The following DDX31 variants were observed in gnomAD, a reference collection of about 807,000 sequenced individuals.
DDX31 encodes the protein DEAD-box helicase 31, also known as ATP-dependent DNA helicase DDX31.
In DDX31, 70 loss-of-function variants were observed where a neutral mutation model predicts 91.3. That is an observed-to-expected ratio of 0.77 (90% CI 0.63 to 0.94). The LOEUF (loss-of-function observed/expected upper bound fraction) is 0.94, where lower values mean the gene tolerates loss of function less well. DDX31 is among the 40% of genes least tolerant of loss of function. DDX31 has a pLI of 0.00. For synonymous variants in DDX31, 362 were observed against 350.6 expected (o/e 1.03, Z -0.36); for missense variants, 902 against 925.0 (o/e 0.98, Z 0.32).
intron 14 of DDX31, among the ~76,000 whole-genome samples, chr9:132,633,524 A>C (rs1832920340): frequency 6.6e-6 from 1 of 152,228 alleles, no homozygotes; most frequent in African/African-American, 2.4e-5. Flanking sequence ...AGTACTATAC[A>C]GCTATAAAAA....
At chr9:132,658,283 A>T in intron 6 of DDX31, 1 of 703,242 alleles carries the variant, frequency 1.4e-6, no homozygotes, top group Non-Finnish European at 2.6e-6. Context: ...TTCCTCCATT[A>T]CTTGCTGCAT....
intron 18 of DDX31, among the ~76,000 whole-genome samples, chr9:132,615,379 T>G (rs528002703): frequency 4.1e-4 from 62 of 152,244 alleles, no homozygotes; most frequent in Non-Finnish European, 6.9e-4. Context: ...AGAGCACCCT[T>G]CAGTACAGAA....
intron 14 of DDX31, among the ~76,000 whole-genome samples, chr9:132,641,445 G>A (rs2130736944): frequency 6.6e-6 from 1 of 152,366 alleles, no homozygotes. Flanking sequence ...AGAGAACACT[G>A]AAGGTTTGAG....
chr9:132,655,269 A>G (rs935694781), intron 6 of DDX31, among the ~76,000 whole-genome samples: 4 of 77,590 alleles, frequency 5.2e-5, no homozygotes, highest in African/African-American at 1.3e-4. Flanking sequence ...TTCACGGTAC[A>G]TACATACATA....
chr9:132,640,412 G>T (rs982013602), intron 14 of DDX31, among the ~76,000 whole-genome samples: 1 of 152,168 alleles, frequency 6.6e-6, no homozygotes, highest in Non-Finnish European at 1.5e-5. Flanking sequence ...GGGAGCAAGG[G>T]GGAGTAGGGT....
intron 19 of DDX31, among the ~76,000 whole-genome samples, chr9:132,606,986 A>G (rs1020322598): frequency 2.6e-5 from 4 of 152,206 alleles, no homozygotes; most frequent in South Asian, 2.1e-4. Context: ...AAAATTTCCA[A>G]TTGGAAGCAT....
At position 132,669,957 on chromosome 9, in the gene DDX31, T is replaced by C. The variant is rs1346483564; in HGVS notation, c.-23A>G. 1 of 1,583,414 alleles carries C rather than the reference T, an allele frequency of 6.3e-7. No homozygotes were observed. The highest frequency in any genetic ancestry group is 8.6e-7 in the Non-Finnish European group (1 of 1,165,760). On this transcript the variant is annotated 5_prime_UTR_variant, in exon 1 of 20. Transcript: ENST00000372159. ...CATGGTCTGCGTGGGTGACGCGTGG[T>C]GCAGCAGCGAGCCCGGTGCGCAGAC...
intron 14 of DDX31, chr9:132,638,223 A>C: frequency 1.3e-6 from 2 of 1,551,998 alleles, no homozygotes; most frequent in Non-Finnish European, 1.7e-6. Context: ...AGACCAACAG[A>C]AAACCTAATG....
Position 132,594,823 on chromosome 9 carries a change from C to A in DDX31, c.*43G>T. On this transcript the variant is annotated 3_prime_UTR_variant, in exon 20 of 20. Coordinates refer to ENST00000372159, the MANE Select transcript of DDX31 (RefSeq NM_022779.9). ...ACAAGAACTGGACATCAATCCACTG[C>A]CACCCGGGGCTTCCAGGTTCCACTC... 6.2e-7 allele frequency: 1 copy of A among 1,601,404 alleles called. No individual in the cohort carries two copies. The highest frequency in any genetic ancestry group is 8.5e-7 in the Non-Finnish European group (1 of 1,173,068).
At position 132,653,265 on chromosome 9, in the gene DDX31, A is replaced by G. The variant is rs1163720089; in HGVS notation, c.589-773T>C. ...TCCCAGCACTTTGGGAGGCCAAGAC[A>G]GGCGGATCACTTGAGGTCAGGAGTT... On this transcript the variant is annotated intron_variant, in intron 6 of 19. Coordinates refer to ENST00000372159, the MANE Select transcript of DDX31 (RefSeq NM_022779.9). 2.0e-5 allele frequency among the ~76,000 whole-genome samples: 3 copies of G among 151,968 alleles called. No individual in the cohort carries two copies. In the East Asian group the frequency reaches 5.8e-4, roughly 29 times the overall value.
At chr9:132,628,503 CT>C (rs1832532638) in intron 16 of DDX31, among the ~76,000 whole-genome samples, 1 of 152,206 alleles carries the variant, frequency 6.6e-6, no homozygotes, top group African/African-American at 2.4e-5. Context: ...TACTTCGTGC[CT>C]TTGCTAATCA....
intron 8 of DDX31, 85 bp downstream of exon 8, chr9:132,650,990 T>C: frequency 7.7e-7 from 1 of 1,295,874 alleles, no homozygotes; most frequent in Non-Finnish European, 1.1e-6. Context: ...CTTATCTCTT[T>C]GAAAATAAAG....
chr9:132,628,984 T>C (rs889179058), intron 16 of DDX31, among the ~76,000 whole-genome samples: 21 of 152,264 alleles, frequency 1.4e-4, no homozygotes, highest in African/African-American at 5.1e-4. Flanking sequence ...GGAAACTGGC[T>C]GCGCCAGCGG....
At chr9:132,601,444 C>T (rs1282301933) in intron 19 of DDX31, among the ~76,000 whole-genome samples, 1 of 152,188 alleles carries the variant, frequency 6.6e-6, no homozygotes, top group Non-Finnish European at 1.5e-5. Context: ...TGGGCAGTTT[C>T]CTCCTCTGTA....
intron 17 of DDX31, among the ~76,000 whole-genome samples, chr9:132,625,087 T>C (rs1274887917): frequency 1.3e-5 from 2 of 152,086 alleles, no homozygotes; most frequent in African/African-American, 4.8e-5. Flanking sequence ...TCTAGTCGGG[T>C]GCAGCCTTAA....
chr9:132,648,540 C>A lies in DDX31; in HGVS notation c.752G>T (p.Gly251Val). ...RKSEKARLRK[G>V]INILISTPGR... The stretch of plus-strand genomic sequence containing the variant: ...AGGAGTTGAGATAAGGATATTTATT[C>A]CTTTGCGGAGTCTGTTTAAAATTAT... The change falls in exon 10 of 20, where the codon GGA becomes GTA. Residue 251 changes from glycine (G) to valine (V), a missense_variant. Transcript: ENST00000372159. 6.2e-7 allele frequency: 1 copy of A among 1,610,204 alleles called. No individual in the cohort carries two copies. The highest frequency in any genetic ancestry group is 1.1e-5 in the South Asian group (1 of 90,172).
At chr9:132,618,942 C>A (rs1333482006) in intron 17 of DDX31, among the ~76,000 whole-genome samples, 1 of 152,214 alleles carries the variant, frequency 6.6e-6, no homozygotes, top group Admixed American at 6.5e-5. Flanking sequence ...CAGGCTTCCT[C>A]AGTGCCTAGA....
At chr9:132,606,873 T>TAG (rs1831056941) in intron 19 of DDX31, among the ~76,000 whole-genome samples, 2 of 152,170 alleles carry the variant, frequency 1.3e-5, no homozygotes, top group Admixed American at 6.5e-5. Flanking sequence ...TCTGCACAGT[T>TAG]AGCTCTTCCC....
chr9:132,654,585 C>T (rs577660223), intron 6 of DDX31, among the ~76,000 whole-genome samples: 89 of 152,172 alleles, frequency 5.8e-4, no homozygotes, highest in Middle Eastern at 3.4e-3. Context: ...CGCACTCCAG[C>T]CTGGGCGACA....
Sources: allele counts gnomAD v4.1 joint callset (sites outside exome capture counted in the v4.1 genomes callset), GRCh38; gene constraint gnomAD v4.1.1; transcripts MANE v1.5; gene names NCBI Gene and HGNC (gene_info 2026-07-23, HGNC 2026-07-21).